Variants in C1GALT1 observed in about 807,000 individuals in gnomAD.
The protein encoded by C1GALT1 is core 1 synthase, glycoprotein-N-acetylgalactosamine 3-beta-galactosyltransferase 1.
A neutral mutation model predicts 31.0 loss-of-function variants in C1GALT1; 11 were observed. That is an observed-to-expected ratio of 0.36 (90% CI 0.22 to 0.59). The LOEUF is 0.59. Ranked by LOEUF, C1GALT1 falls within the 20% of genes least tolerant of loss-of-function variation. The probability of loss-of-function intolerance (pLI) is 0.79; values close to 1 mark genes in which losing one functional copy is unlikely to be tolerated. For synonymous variants in C1GALT1, 175 were observed against 143.6 expected (o/e 1.22, Z -1.56); for missense variants, 424 against 425.2 (o/e 1.00, Z 0.03).
intron 1 of C1GALT1, among the ~76,000 whole-genome samples, chr7:7,212,706 G>C (rs73045741): frequency 0.028 from 4,302 of 152,142 alleles, 70 homozygotes; most frequent in Non-Finnish European, 0.043. Context: ...ATTTTTTGTG[G>C]GTAAGGGATG....
chr7:7,217,903 G>A (rs900755413), intron 1 of C1GALT1, among the ~76,000 whole-genome samples: 1 of 152,106 alleles, frequency 6.6e-6, no homozygotes, highest in African/African-American at 2.4e-5. Flanking sequence ...TTCAATTGTA[G>A]CTCTCCCCTC....
chr7:7,186,755 G>A (rs923840090), intron 1 of C1GALT1, among the ~76,000 whole-genome samples: 7 of 152,180 alleles, frequency 4.6e-5, no homozygotes, highest in Non-Finnish European at 1.0e-4. Context: ...ACCCTGGCAC[G>A]TTTGAGGAAT....
At chr7:7,167,305 T>C (rs1274668341) in intron 2 of C1GALT1, among the ~76,000 whole-genome samples, 2 of 152,178 alleles carry the variant, frequency 1.3e-5, no homozygotes, top group African/African-American at 4.8e-5. Context: ...AGACATAATA[T>C]TGGGAGAACA....
At chr7:7,195,729 T>C (rs1179499994) in intron 1 of C1GALT1, among the ~76,000 whole-genome samples, 5 of 152,162 alleles carry the variant, frequency 3.3e-5, no homozygotes, top group Non-Finnish European at 5.9e-5. Flanking sequence ...CTCTATTGAT[T>C]TTCTGTCCTG....
rs1458335066 is a variant in C1GALT1 at position 7,234,511 on chromosome 7, C to G, written c.192C>G (p.Asn64Lys). The change falls in exon 2 of 4, where the codon AAC (asparagine) becomes AAG (lysine). Residue 64 changes from asparagine to lysine, a missense_variant. Around this residue, in one of 3 missense-constraint regions of C1GALT1, gnomAD observed 189 missense variants for 158.2 expected, o/e 1.19. Coordinates refer to ENST00000436587, the MANE Select transcript of C1GALT1 (RefSeq NM_020156.5). ...AGAATCATCTAGAAGGACAAATGAA[C>G]TTCAATGCAGATTCTAGCCAACATA... ...NGQNHLEGQMNFNADSSQHKD... is the reference protein window; with the variant it reads ...NGQNHLEGQMKFNADSSQHKD... The G allele has an allele frequency of 6.2e-7, 1 of 1,612,438 alleles. No individual in the cohort carries two copies. Among genetic ancestry groups the G allele is most frequent in the Admixed American group, 1.7e-5 (1 of 60,012 alleles).
At chr7:7,234,714 G>T (rs1464195740) in intron 2 of C1GALT1, 175 bp downstream of exon 2, 2 of 542,858 alleles carry the variant, frequency 3.7e-6, no homozygotes, top group Non-Finnish European at 6.4e-6. Context: ...TAGGGAATAA[G>T]ATATTAATTT....
At chr7:7,160,978 T>C (rs1003607026) in intron 2 of C1GALT1, among the ~76,000 whole-genome samples, 1 of 152,100 alleles carries the variant, frequency 6.6e-6, no homozygotes, top group African/African-American at 2.4e-5. Context: ...TTAAATAGAA[T>C]TTATGCAACT....
chr7:7,232,275 G>C (rs1353562359), intron 1 of C1GALT1, among the ~76,000 whole-genome samples: 1 of 152,182 alleles, frequency 6.6e-6, no homozygotes, highest in East Asian at 1.9e-4. Flanking sequence ...AAAGAACCTA[G>C]TCAGCCATTC....
intron 2 of C1GALT1, among the ~76,000 whole-genome samples, chr7:7,170,963 G>C (rs1366287144): frequency 1.3e-5 from 2 of 151,994 alleles, no homozygotes; most frequent in African/African-American, 4.8e-5. Flanking sequence ...CATTCTACTT[G>C]GTCAGAAAAG....
chr7:7,170,279 T>C (rs2128227285), intron 2 of C1GALT1, among the ~76,000 whole-genome samples: 1 of 152,344 alleles, frequency 6.6e-6, no homozygotes, highest in South Asian at 2.1e-4. Context: ...TCTGTTTTAT[T>C]GATCTCTGCT....
chr7:7,168,822 G>A (rs1002063035), intron 2 of C1GALT1, among the ~76,000 whole-genome samples: 3 of 152,132 alleles, frequency 2.0e-5, no homozygotes, highest in Non-Finnish European at 4.4e-5. Flanking sequence ...GCAAAACACC[G>A]TAATTTAAAA....
At chr7:7,198,122 A>G (rs1781377580) in intron 1 of C1GALT1, among the ~76,000 whole-genome samples, 1 of 152,194 alleles carries the variant, frequency 6.6e-6, no homozygotes, top group African/African-American at 2.4e-5. Context: ...CAGTTTTCAA[A>G]GGGAATGCTT....
At chr7:7,226,585 A>G (rs1782769458) in intron 1 of C1GALT1, among the ~76,000 whole-genome samples, 1 of 152,240 alleles carries the variant, frequency 6.6e-6, no homozygotes, top group Non-Finnish European at 1.5e-5. Context: ...TAAGAAGACC[A>G]TGGAGTAATA....
chr7:7,207,968 A>G (rs566655778), intron 1 of C1GALT1, among the ~76,000 whole-genome samples: 23 of 152,298 alleles, frequency 1.5e-4, no homozygotes, highest in Non-Finnish European at 3.2e-4. Context: ...CAGTGGTCCA[A>G]AAATATTAAA....
At chr7:7,186,332 CTAT>C (rs1780815569) in intron 1 of C1GALT1, among the ~76,000 whole-genome samples, 1 of 152,158 alleles carries the variant, frequency 6.6e-6, no homozygotes, top group African/African-American at 2.4e-5. Flanking sequence ...CAAGTGCTTA[CTAT>C]GTGCCAGGTC....
At chr7:7,205,940 T>C (rs1185105123) in intron 1 of C1GALT1, among the ~76,000 whole-genome samples, 2 of 152,216 alleles carry the variant, frequency 1.3e-5, no homozygotes, top group East Asian at 3.8e-4. Context: ...GCCATTTTTT[T>C]CTATGTGCTT....
intron 3 of C1GALT1, among the ~76,000 whole-genome samples, chr7:7,242,168 A>C (rs1473523059): frequency 2.6e-5 from 4 of 151,676 alleles, no homozygotes; most frequent in African/African-American, 9.7e-5. Context: ...GCATGTTAAA[A>C]CAGTATGATG....
chr7:7,165,132 A>G lies in C1GALT1; in HGVS notation c.-18+7706A>G, dbSNP rs1048045198. Among the ~76,000 whole-genome samples the G allele has an allele frequency of 3.3e-5, 5 of 152,318 alleles. No homozygotes were observed. The East Asian group carries it at 5.8e-4, about 18-fold the overall frequency. Reference sequence around the variant, plus strand: ...CTGGCATTTTTATGTGAACAGAACTAGAAACCACAGTAGCCAGGAAGAGAA... The same window carrying G: ...CTGGCATTTTTATGTGAACAGAACTGGAAACCACAGTAGCCAGGAAGAGAA... On this transcript the variant is annotated intron_variant, in intron 2 of 3. Transcript: ENST00000429911.
At chr7:7,215,978 T>G (rs1209844985) in intron 1 of C1GALT1, among the ~76,000 whole-genome samples, 1 of 151,998 alleles carries the variant, frequency 6.6e-6, no homozygotes, top group African/African-American at 2.4e-5. Flanking sequence ...TCCCTGAAAG[T>G]TACTTTTTTT....
Sources: allele counts gnomAD v4.1 joint callset (sites outside exome capture counted in the v4.1 genomes callset), GRCh38; gene constraint gnomAD v4.1.1; regional missense constraint gnomAD v4.1.1; transcripts MANE v1.5; gene names NCBI Gene and HGNC (gene_info 2026-07-23, HGNC 2026-07-21).